KCNH5: variants seen among roughly 807,000 people sequenced by gnomAD.
KCNH5 encodes voltage-gated delayed rectifier potassium channel KCNH5.
KCNH5 carries 46 observed loss-of-function variants against 96.1 expected under a neutral mutation model. The observed-to-expected ratio is 0.48, with a 90% CI of 0.38 to 0.61. KCNH5 has a LOEUF of 0.61. Among genes scored for constraint, KCNH5 ranks in the 20% least tolerant of loss-of-function variants. KCNH5 has a pLI of 0.00. For missense variants in KCNH5, 907 were observed against 1,225.8 expected, an observed-to-expected ratio of 0.74 and a Z score of 3.88; for synonymous variants, 439 against 449.8, an observed-to-expected ratio of 0.98 and a Z score of 0.30.
At chr14:62,870,113 T>C (rs760304082) in intron 7 of KCNH5, among the ~76,000 whole-genome samples, 1 of 150,946 alleles carries the variant, frequency 6.6e-6, no homozygotes, top group Non-Finnish European at 1.5e-5. Context: ...AAATTTCTTT[T>C]CTTTATAAGT....
intron 10 of KCNH5, among the ~76,000 whole-genome samples, chr14:62,771,759 A>G (rs1460811015): frequency 5.3e-5 from 8 of 152,116 alleles, no homozygotes; most frequent in African/African-American, 2.4e-5. Context: ...TCAACATCCA[A>G]TGGGCCCCAC....
At chr14:62,885,661 T>C (rs1404841227) in intron 7 of KCNH5, among the ~76,000 whole-genome samples, 6 of 152,234 alleles carry the variant, frequency 3.9e-5, no homozygotes, top group South Asian at 4.1e-4. Context: ...TGAAATGGCA[T>C]GGCCAGTGCC....
intron 2 of KCNH5, among the ~76,000 whole-genome samples, chr14:63,007,131 C>T (rs756520867): frequency 7.2e-5 from 11 of 151,986 alleles, no homozygotes; most frequent in Non-Finnish European, 1.6e-4. Context: ...AAATATGCAT[C>T]CAAAAGGACT....
At chr14:62,895,547 G>A (rs1446556038) in intron 7 of KCNH5, among the ~76,000 whole-genome samples, 1 of 151,956 alleles carries the variant, frequency 6.6e-6, no homozygotes, top group Non-Finnish European at 1.5e-5. Context: ...TGTCCAGGCT[G>A]GTCTCAAACT....
intron 9 of KCNH5, among the ~76,000 whole-genome samples, chr14:62,786,113 C>T (rs1886316150): frequency 6.6e-6 from 1 of 152,088 alleles, no homozygotes; most frequent in Non-Finnish European, 1.5e-5. Flanking sequence ...ATGGCTTGAA[C>T]CCAGGAGGCG....
rs555774906 is a variant in KCNH5 at position 62,965,630 on chromosome 14, C to A, written c.943-15071G>T. On this transcript the variant is annotated intron_variant, in intron 6 of 10. Coordinates refer to ENST00000322893, the MANE Select transcript of KCNH5 (RefSeq NM_139318.5). ...AGCTACACATAATGGACTAAGAGAGCCATCCCTGTATATTTCTCAATGTAC... is the reference window on the plus strand; with the variant it reads ...AGCTACACATAATGGACTAAGAGAGACATCCCTGTATATTTCTCAATGTAC... Among the ~76,000 whole-genome samples the A allele has an allele frequency of 1.1e-4, 17 of 150,800 alleles. No homozygotes were observed. The East Asian group carries it at 3.3e-3, about 29-fold the overall frequency.
At chr14:62,786,688 G>T (rs915488607) in intron 9 of KCNH5, among the ~76,000 whole-genome samples, 1 of 151,948 alleles carries the variant, frequency 6.6e-6, no homozygotes. Flanking sequence ...CAAGTCTATC[G>T]GTGTCATATT....
Position 62,795,659 on chromosome 14 carries a change from TCTCA to T in KCNH5, c.1822+6666_1822+6669del, listed in dbSNP as rs375286491. Among the ~76,000 whole-genome samples the T allele has an allele frequency of 1.8e-4, 27 of 152,248 alleles. No homozygotes were observed. In the South Asian group the frequency reaches 5.2e-3, roughly 29 times the overall value. On this transcript the variant is annotated intron_variant, in intron 9 of 10. Coordinates refer to ENST00000322893, the MANE Select transcript of KCNH5 (RefSeq NM_139318.5). The stretch of plus-strand genomic sequence containing the variant: ...AGTAACAGCTGTACTAGCTAATCTG[TCTCA>T]CTCACAATAGCCTTTACTGAGAACC...
At chr14:62,868,698 G>A (rs1431099393) in intron 7 of KCNH5, among the ~76,000 whole-genome samples, 4 of 151,782 alleles carry the variant, frequency 2.6e-5, no homozygotes, top group African/African-American at 7.3e-5. Context: ...CCCCCTACCC[G>A]CTGACAGGCC....
intron 10 of KCNH5, among the ~76,000 whole-genome samples, chr14:62,722,575 G>A (rs1884837922): frequency 6.6e-6 from 1 of 152,176 alleles, no homozygotes; most frequent in Admixed American, 6.5e-5. Context: ...AATGATTAAA[G>A]AGGTTGAATC....
intron 9 of KCNH5, among the ~76,000 whole-genome samples, chr14:62,799,316 C>A (rs1252842597): frequency 3.9e-5 from 6 of 151,944 alleles, no homozygotes; most frequent in African/African-American, 1.2e-4. Context: ...GTGGCTGACA[C>A]CTGTAATCCC....
chr14:62,803,991 A>G (rs1397221353), intron 8 of KCNH5, among the ~76,000 whole-genome samples: 11 of 152,218 alleles, frequency 7.2e-5, no homozygotes, highest in Non-Finnish European at 1.6e-4. Flanking sequence ...TTTAAGCTTT[A>G]AAAAATTTCC....
At chr14:62,944,666 G>A (rs1007676349) in intron 7 of KCNH5, among the ~76,000 whole-genome samples, 5 of 152,024 alleles carry the variant, frequency 3.3e-5, no homozygotes, top group South Asian at 2.1e-4. Context: ...TTGACATTTC[G>A]GGTCTAACAA....
chr14:62,724,469 T>A (rs1884881535), intron 10 of KCNH5, among the ~76,000 whole-genome samples: 1 of 152,232 alleles, frequency 6.6e-6, no homozygotes, highest in Admixed American at 6.5e-5. Flanking sequence ...AAATTATTCC[T>A]AAGGTAACTT....
intron 8 of KCNH5, among the ~76,000 whole-genome samples, chr14:62,825,864 T>C (rs1056105621): frequency 6.6e-6 from 1 of 152,098 alleles, no homozygotes; most frequent in Non-Finnish European, 1.5e-5. Flanking sequence ...TGTTTCCCTT[T>C]TTTCTACTAT....
intron 5 of KCNH5, among the ~76,000 whole-genome samples, chr14:62,985,557 A>G (rs956821925): frequency 2.0e-5 from 3 of 152,220 alleles, no homozygotes; most frequent in African/African-American, 7.2e-5. Context: ...AGTGCTCAGC[A>G]TAGTTTTGGT....
chr14:62,726,882 T>G (rs1031868149), intron 10 of KCNH5, among the ~76,000 whole-genome samples: 3 of 152,186 alleles, frequency 2.0e-5, no homozygotes, highest in African/African-American at 7.2e-5. Flanking sequence ...AATACATACA[T>G]TGAAGTGTAT....
chr14:63,032,101 CA>C (rs33955186), intron 1 of KCNH5, among the ~76,000 whole-genome samples: 28,718 of 87,466 alleles, frequency 0.33, 2,987 homozygotes, highest in East Asian at 0.49. Context: ...AAGGACTTCA[CA>C]AAAAAAAAAA....
At chr14:62,723,327 TTCTC>T (rs1338427939) in intron 10 of KCNH5, among the ~76,000 whole-genome samples, 4 of 152,206 alleles carry the variant, frequency 2.6e-5, no homozygotes, top group African/African-American at 4.8e-5. Context: ...TAAATAATCT[TTCTC>T]TATTATTAAG....
Sources: gnomAD v4.1 joint callset for allele counts (sites outside exome capture counted in the v4.1 genomes callset) on GRCh38, gnomAD v4.1.1 for gene constraint, MANE v1.5 for transcripts, NCBI Gene and HGNC (gene_info 2026-07-23, HGNC 2026-07-21) for gene names.